AP3S2: variants seen among roughly 807,000 people sequenced by gnomAD.
The protein encoded by AP3S2 is AP-3 complex subunit sigma-2.
In AP3S2, 22 loss-of-function variants were observed where a neutral mutation model predicts 23.4. The observed-to-expected ratio is 0.94, with a 90% CI of 0.67 to 1.34. AP3S2 has a LOEUF of 1.34. Ranked by LOEUF, AP3S2 falls within the 40% of genes most tolerant of loss-of-function variation. The pLI, the probability that AP3S2 is intolerant of heterozygous loss-of-function variation, is 0.00. For missense variants in AP3S2, 241 were observed against 236.9 expected (o/e 1.02, Z -0.11); for synonymous variants, 86 against 87.1 (o/e 0.99, Z 0.07).
chr15:89,838,827 G>A (rs902977667), intron 4 of AP3S2, among the ~76,000 whole-genome samples: 16 of 152,224 alleles, frequency 1.1e-4, no homozygotes, highest in African/African-American at 3.9e-4. Context: ...TCAGGTAGAA[G>A]ATGTTGGAAG....
At chr15:89,871,423 C>A in intron 4 of AP3S2, 52 bp downstream of exon 4, 1 of 1,565,810 alleles carries the variant, frequency 6.4e-7, no homozygotes, top group Non-Finnish European at 8.7e-7. Context: ...ATGCCCAAGG[C>A]TCTTGGTTTT....
chr15:89,836,219 C>T (rs1895188256), intron 5 of AP3S2, among the ~76,000 whole-genome samples: 2 of 152,166 alleles, frequency 1.3e-5, no homozygotes, highest in African/African-American at 4.8e-5. Context: ...TCCTCAGAGG[C>T]GGAGTGTGGC....
At chr15:89,855,678 G>C (rs1480561511) in intron 4 of AP3S2, among the ~76,000 whole-genome samples, 1 of 124,722 alleles carries the variant, frequency 8.0e-6, no homozygotes, top group East Asian at 2.2e-4. Context: ...GAGAAACCCC[G>C]TCTCTACTAA....
At chr15:89,866,187 G>A (rs865793096) in intron 4 of AP3S2, among the ~76,000 whole-genome samples, 1 of 147,818 alleles carries the variant, frequency 6.8e-6, no homozygotes, top group African/African-American at 2.5e-5. Context: ...ACTTGAACAC[G>A]GGAAGCAGAG....
intron 1 of AP3S2, among the ~76,000 whole-genome samples, chr15:89,891,857 A>G (rs1596226482): frequency 6.6e-6 from 1 of 152,348 alleles, no homozygotes; most frequent in South Asian, 2.1e-4. Flanking sequence ...CACCACAGTT[A>G]CCATATGATC....
chr15:89,857,385 T>C (rs1162634864), intron 4 of AP3S2, among the ~76,000 whole-genome samples: 1 of 147,884 alleles, frequency 6.8e-6, no homozygotes, highest in Non-Finnish European at 1.5e-5. Flanking sequence ...GATTGTTGTT[T>C]GGTAATCAGA....
At chr15:89,840,095 G>A (rs1895291813) in intron 4 of AP3S2, among the ~76,000 whole-genome samples, 1 of 152,152 alleles carries the variant, frequency 6.6e-6, no homozygotes, top group Non-Finnish European at 1.5e-5. Flanking sequence ...GTGTACAGAG[G>A]TGCTGTTTTG....
At chr15:89,843,414 G>A (rs566508077) in intron 4 of AP3S2, among the ~76,000 whole-genome samples, 8 of 151,526 alleles carry the variant, frequency 5.3e-5, no homozygotes, top group Admixed American at 1.3e-4. Flanking sequence ...AAGGTGGGTG[G>A]ATCATTTGAG....
intron 1 of AP3S2, among the ~76,000 whole-genome samples, chr15:89,892,213 G>C (rs1896836115): frequency 6.6e-6 from 1 of 152,118 alleles, no homozygotes; most frequent in South Asian, 2.1e-4. Context: ...AAATTTAGAG[G>C]GAAAGAAACT....
chr15:89,868,225 C>G (rs1183844086), intron 4 of AP3S2, among the ~76,000 whole-genome samples: 2 of 56,372 alleles, frequency 3.5e-5, no homozygotes, highest in Admixed American at 1.4e-4. Flanking sequence ...GGGGGGTCAG[C>G]CCTCCGCCCG....
intron 5 of AP3S2, 92 bp from the exon 6 acceptor site, chr15:89,835,735 A>C: frequency 4.7e-6 from 7 of 1,477,234 alleles, no homozygotes; most frequent in Non-Finnish European, 5.4e-6. Context: ...AAAAACAAAA[A>C]CAAACAAGCA....
chr15:89,873,590 CTTA>C (rs1896371400), intron 3 of AP3S2, among the ~76,000 whole-genome samples: 4 of 152,070 alleles, frequency 2.6e-5, no homozygotes, highest in Admixed American at 2.6e-4. Flanking sequence ...CGGCCTCTGT[CTTA>C]TTTTCTCATC....
chr15:89,865,030 A>T (rs1896086019), intron 4 of AP3S2, among the ~76,000 whole-genome samples: 1 of 152,188 alleles, frequency 6.6e-6, no homozygotes, highest in African/African-American at 2.4e-5. Context: ...GATAAAAATT[A>T]AGTTCTATAT....
intron 3 of AP3S2, among the ~76,000 whole-genome samples, chr15:89,878,556 ATTC>A (rs2141890168): frequency 6.6e-6 from 1 of 152,230 alleles, no homozygotes; most frequent in Non-Finnish European, 1.5e-5. Flanking sequence ...ATTTGAAAAT[ATTC>A]TTATTTTTAT....
At chr15:89,859,762 C>CTTTT (rs34836617) in intron 4 of AP3S2, among the ~76,000 whole-genome samples, 4 of 117,326 alleles carry the variant, frequency 3.4e-5, no homozygotes, top group South Asian at 2.7e-4. Context: ...TATTGCTGAT[C>CTTTT]TTTTTTTTTT....
chr15:89,842,761 C>T (rs1472724437), intron 4 of AP3S2, among the ~76,000 whole-genome samples: 2 of 151,350 alleles, frequency 1.3e-5, no homozygotes, highest in South Asian at 2.1e-4. Context: ...TATAGGCATG[C>T]GCCACCATGC....
intron 4 of AP3S2, among the ~76,000 whole-genome samples, chr15:89,840,651 C>T (rs1301808146): frequency 2.0e-5 from 3 of 152,308 alleles, no homozygotes; most frequent in Admixed American, 2.0e-4. Context: ...TGGTCTGGAA[C>T]TCCTGACCTC....
intron 4 of AP3S2, among the ~76,000 whole-genome samples, chr15:89,862,546 T>C (rs148841711): frequency 3.3e-5 from 5 of 152,264 alleles, no homozygotes; most frequent in African/African-American, 1.2e-4. Flanking sequence ...ATGTTAATAG[T>C]TGGTGAATCT....
At chr15:89,858,153 C>G (rs1895885429) in intron 4 of AP3S2, among the ~76,000 whole-genome samples, 1 of 152,012 alleles carries the variant, frequency 6.6e-6, no homozygotes, top group South Asian at 2.1e-4. Context: ...AGAGATTCTG[C>G]TTTGCTGGGT....
Sources: gnomAD v4.1 joint callset for allele counts (sites outside exome capture counted in the v4.1 genomes callset) on GRCh38, gnomAD v4.1.1 for gene constraint, MANE v1.5 for transcripts, NCBI Gene and HGNC (gene_info 2026-07-23, HGNC 2026-07-21) for gene names.